Variants in PARD3B observed in about 807,000 individuals in gnomAD.
PARD3B encodes par-3 family cell polarity regulator beta.
In PARD3B, 103 loss-of-function variants were observed where a neutral mutation model predicts 130.2. The ratio of observed to expected loss-of-function variants is 0.79; its 90% CI spans 0.67 to 0.93. PARD3B has a LOEUF of 0.93. Ranked by LOEUF, PARD3B falls within the 40% of genes least tolerant of loss-of-function variation. The pLI is 0.00. For synonymous variants in PARD3B, 583 were observed against 553.2 expected, an observed-to-expected ratio of 1.05 and a Z score of -0.76; for missense variants, 1,609 against 1,499.2, an observed-to-expected ratio of 1.07 and a Z score of -1.21.
intron 3 of PARD3B, among the ~76,000 whole-genome samples, chr2:205,004,106 G>A (rs1286994865): frequency 1.3e-5 from 2 of 152,208 alleles, no homozygotes; most frequent in African/African-American, 2.4e-5. Context: ...AGGTTGACAA[G>A]GCAATGGAAG....
chr2:204,988,697 T>C (rs1372774192), intron 3 of PARD3B, among the ~76,000 whole-genome samples: 3 of 152,198 alleles, frequency 2.0e-5, no homozygotes, highest in African/African-American at 4.8e-5. Flanking sequence ...AAGAGAACTT[T>C]GTTCAAAAAT....
At chr2:205,227,241 C>T (rs573718456) in intron 15 of PARD3B, among the ~76,000 whole-genome samples, 11 of 152,058 alleles carry the variant, frequency 7.2e-5, no homozygotes, top group Non-Finnish European at 1.5e-4. Context: ...GTTGATTTTT[C>T]TGTCTCGATG....
chr2:204,766,485 T>C (rs1174219353), intron 2 of PARD3B, among the ~76,000 whole-genome samples: 2 of 152,146 alleles, frequency 1.3e-5, no homozygotes, highest in African/African-American at 4.8e-5. Flanking sequence ...AGTTCCTTTA[T>C]ATTTTTTTCT....
Position 205,287,170 on chromosome 2 carries a change from G to C in PARD3B, c.2186-13360G>C, listed in dbSNP as rs909147920. ...AGTCTGCCCTGTTACTCAAGTGTCC[G>C]ACCTGAGCAGAAACAACTGGTGGTA... is the stretch of plus-strand genomic sequence containing the variant. On this transcript the variant is annotated intron_variant, in intron 16 of 22. Transcript: ENST00000406610. The surrounding 1 kb of genome is among the most constrained non-coding windows in gnomAD (Gnocchi z 4.8). 1.3e-5 allele frequency among the ~76,000 whole-genome samples: 2 copies of C among 152,156 alleles called. No homozygotes were observed. Among genetic ancestry groups the C allele is most frequent in the Admixed American group, 6.5e-5 (1 of 15,272 alleles).
At chr2:205,466,734 C>T (rs777504160) in intron 20 of PARD3B, among the ~76,000 whole-genome samples, 3 of 152,132 alleles carry the variant, frequency 2.0e-5, no homozygotes, top group Admixed American at 6.5e-5. Flanking sequence ...GTTTTTGAGA[C>T]GAAGTCTCGC....
At chr2:205,439,047 C>A (rs2047619161) in intron 19 of PARD3B, among the ~76,000 whole-genome samples, 1 of 152,054 alleles carries the variant, frequency 6.6e-6, no homozygotes, top group East Asian at 1.9e-4. Flanking sequence ...TGTTGTTCTG[C>A]CAAAAGAGAA....
intron 18 of PARD3B, among the ~76,000 whole-genome samples, chr2:205,345,159 C>A (rs777357341): frequency 1.3e-5 from 2 of 152,056 alleles, no homozygotes; most frequent in Non-Finnish European, 2.9e-5. Flanking sequence ...ATTTAGTATA[C>A]ATTTTATGTG....
At chr2:204,958,023 T>C (rs2125839299) in intron 2 of PARD3B, among the ~76,000 whole-genome samples, 1 of 152,338 alleles carries the variant, frequency 6.6e-6, no homozygotes, top group East Asian at 1.9e-4. Context: ...GAACTCAATG[T>C]GGCAAATAAG....
Position 205,118,904 on chromosome 2 carries a change from C to G in PARD3B, c.681-17C>G. The G allele has an allele frequency of 6.6e-7, 1 of 1,523,420 alleles. No homozygotes were observed. The highest frequency in any genetic ancestry group is 8.9e-7 in the Non-Finnish European group (1 of 1,123,876). The allele number at this position is 1,523,420 out of a possible 1,614,324, so 94.4% of individuals were successfully genotyped here. On this transcript the variant is annotated splice_polypyrimidine_tract_variant and intron_variant, in intron 6 of 22. Transcript: ENST00000406610. ...TATTATTCAGTAATTATATTTCAAT[C>G]TAAATTTTGCATTTAGGATTCTAGG...
At chr2:205,054,796 T>C (rs961756885) in intron 4 of PARD3B, among the ~76,000 whole-genome samples, 4 of 152,050 alleles carry the variant, frequency 2.6e-5, no homozygotes, top group African/African-American at 9.7e-5. Context: ...TACAACCTCG[T>C]TACAGAGAAC....
intron 2 of PARD3B, among the ~76,000 whole-genome samples, chr2:204,934,612 C>A (rs1415755541): frequency 3.7e-4 from 56 of 152,204 alleles, no homozygotes; most frequent in African/African-American, 1.3e-3. Context: ...TATTTAAAAC[C>A]TGCTTATTAA....
intron 22 of PARD3B, among the ~76,000 whole-genome samples, chr2:205,606,631 G>A (rs1468991388): frequency 6.6e-6 from 1 of 151,894 alleles, no homozygotes; most frequent in Non-Finnish European, 1.5e-5. Flanking sequence ...TCATGATCAG[G>A]CTCCAGATAC....
At chr2:205,606,541 C>T (rs189295928) in intron 22 of PARD3B, among the ~76,000 whole-genome samples, 49 of 152,226 alleles carry the variant, frequency 3.2e-4, no homozygotes, top group African/African-American at 1.1e-3. Flanking sequence ...ACAGCTGTTT[C>T]TAGTTGGCCA....
chr2:205,186,476 T>C (rs1469159564), intron 14 of PARD3B, among the ~76,000 whole-genome samples: 1 of 152,200 alleles, frequency 6.6e-6, no homozygotes, highest in African/African-American at 2.4e-5. Context: ...GTTTTAAAAA[T>C]CATTAAATTG....
At chr2:205,254,961 G>C (rs2040015656) in intron 16 of PARD3B, among the ~76,000 whole-genome samples, 1 of 151,980 alleles carries the variant, frequency 6.6e-6, no homozygotes, top group South Asian at 2.1e-4. Context: ...ACCGCGCCCG[G>C]CCGAAGTTCA....
chr2:205,120,402 C>T (rs2030546422), intron 7 of PARD3B, among the ~76,000 whole-genome samples: 1 of 152,098 alleles, frequency 6.6e-6, no homozygotes, highest in Non-Finnish European at 1.5e-5. Flanking sequence ...AATCTTCCTT[C>T]TCCCCTAACA....
At chr2:204,645,938 G>A (rs969372923) in intron 1 of PARD3B, among the ~76,000 whole-genome samples, 2 of 152,138 alleles carry the variant, frequency 1.3e-5, no homozygotes, top group African/African-American at 4.8e-5. Context: ...GCTATAACGT[G>A]TCTCTCTTCC....
chr2:205,273,805 G>A (rs959871703), intron 16 of PARD3B, among the ~76,000 whole-genome samples: 6 of 152,120 alleles, frequency 3.9e-5, no homozygotes, highest in Non-Finnish European at 5.9e-5. Flanking sequence ...CGTATTCTGC[G>A]GCCAAATGGA....
At chr2:205,413,069 C>T (rs1053193618) in intron 19 of PARD3B, among the ~76,000 whole-genome samples, 2 of 152,142 alleles carry the variant, frequency 1.3e-5, no homozygotes, top group South Asian at 2.1e-4. Context: ...ACATGAGTAT[C>T]AAACTGTTGG....
Sources: allele counts gnomAD v4.1 joint callset (sites outside exome capture counted in the v4.1 genomes callset), GRCh38; gene constraint gnomAD v4.1.1; non-coding constraint Gnocchi (gnomAD v3.1); transcripts MANE v1.5; gene names NCBI Gene and HGNC (gene_info 2026-07-23, HGNC 2026-07-21).